Variants in NSD2 observed in about 807,000 individuals in gnomAD.
NSD2 encodes the protein nuclear receptor binding SET domain protein 2.
NSD2 carries 12 observed loss-of-function variants against 139.0 expected under a neutral mutation model. The observed-to-expected ratio is 0.09, with a 90% CI of 0.06 to 0.14. NSD2 has a LOEUF of 0.14. Ranked by LOEUF, NSD2 falls within the 10% of genes least tolerant of loss-of-function variation. The probability of loss-of-function intolerance (pLI) is 1.00; values close to 1 mark genes in which losing one functional copy is unlikely to be tolerated. For synonymous variants in NSD2, 669 were observed against 648.7 expected, an observed-to-expected ratio of 1.03 and a Z score of -0.48; for missense variants, 1,155 against 1,745.0, an observed-to-expected ratio of 0.66 and a Z score of 6.02.
intron 5 of NSD2, among the ~76,000 whole-genome samples, chr4:1,919,400 T>G (rs1055380104): frequency 3.9e-5 from 6 of 152,174 alleles, no homozygotes; most frequent in African/African-American, 1.4e-4. Flanking sequence ...GCAATGTGAT[T>G]AAGACATTTA....
rs562323675 is a variant in NSD2 at position 1,900,927 on chromosome 4, C to G, written c.273C>G (p.Pro91=). Residue 91 remains proline (P), a synonymous_variant, in exon 2 of 22, where the codon CCC becomes CCG. Coordinates refer to ENST00000508803, the MANE Select transcript of NSD2 (RefSeq NM_001042424.3). ...DLTSRVFNGE[P]GAHDAKLRFE... is the part of the protein sequence containing the mutation. ...CTTCCCGGGTGTTTAATGGAGAACC[C>G]GGCGCACACGATGCCAAACTGCGTT... The G allele has an allele frequency of 5.0e-6, 8 of 1,614,100 alleles. No homozygotes were observed. The South Asian group carries it at 7.7e-5, about 16-fold the overall frequency.
chr4:1,886,996 TGTG>T (rs201485659), intron 1 of NSD2, among the ~76,000 whole-genome samples: 1,805 of 152,272 alleles, frequency 0.012, 40 homozygotes, highest in African/African-American at 0.041. Context: ...TTCCCAATAT[TGTG>T]GTGGTTTGAT....
intron 6 of NSD2, 33 bp downstream of exon 6, chr4:1,930,803 T>C: frequency 1.9e-6 from 3 of 1,599,236 alleles, no homozygotes; most frequent in Non-Finnish European, 2.6e-6. Context: ...GTCCTCTGCT[T>C]GGGTTGATGT....
rs989000966 is a variant in NSD2 at position 1,973,121 on chromosome 4, A to G, written c.3373-1742A>G. On this transcript the variant is annotated intron_variant, in intron 18 of 21. Coordinates refer to ENST00000508803, the MANE Select transcript of NSD2 (RefSeq NM_001042424.3). This position sits in a 1 kb window ranked among gnomAD's most constrained non-coding sequence, Gnocchi z 5.5. ...TGGCCTCCCAAAGTACTGGGATTAT[A>G]GGTGTGAGCCACCGCGCCCGGCCGA... Among the ~76,000 whole-genome samples the G allele has an allele frequency of 6.6e-6, 1 of 152,226 alleles. No homozygotes were observed. The highest frequency in any genetic ancestry group is 1.9e-4 in the East Asian group (1 of 5,206).
chr4:1,943,614 T>A, intron 9 of NSD2: 2 of 1,048,616 alleles, frequency 1.9e-6, no homozygotes, highest in South Asian at 9.2e-5. Flanking sequence ...GGTTCCTCTA[T>A]TGGCTCTGCT....
Position 1,898,023 on chromosome 4 carries a change from C to T in NSD2, c.-29-2603C>T, listed in dbSNP as rs62286998. Among the ~76,000 whole-genome samples, 49 of 151,968 alleles carry T rather than the reference C, an allele frequency of 3.2e-4. No homozygotes were observed. In the South Asian group the frequency reaches 4.0e-3, roughly 12 times the overall value. ...CAAATATTTTTGCCTTTTTTTTTCC[C>T]TCCTCCTTCTGGGTGGAACTCCAGA... is the stretch of plus-strand genomic sequence containing the variant. On this transcript the variant is annotated intron_variant, in intron 1 of 21. Coordinates refer to ENST00000508803, the MANE Select transcript of NSD2 (RefSeq NM_001042424.3).
chr4:1,917,027 A>G lies in NSD2; in HGVS notation c.917A>G (p.Glu306Gly), dbSNP rs1356191814. ...GCCAAGCAGGCACCCACGAAAGCTG[A>G]GAAAATTAAGGTGATAGATGACCCT... ...ESAKQAPTKA[E>G]KIKLLKPISG... The change falls in exon 4 of 22, where the codon GAG becomes GGG. Residue 306 changes from glutamate to glycine, a missense_variant. Physicochemically the swap from Glu to Gly is moderately conservative, Grantham distance 98. Transcript: ENST00000508803. 2 of 1,612,178 alleles carry G rather than the reference A, an allele frequency of 1.2e-6. No homozygotes were observed. Among genetic ancestry groups the G allele is most frequent in the Non-Finnish European group, 1.7e-6 (2 of 1,179,428 alleles).
At chr4:1,872,637 C>CGAGAGAGCGAGAGAGA in intron 1 of NSD2, among the ~76,000 whole-genome samples, 1 of 81,848 alleles carries the variant, frequency 1.2e-5, no homozygotes, top group South Asian at 4.8e-4. Context: ...AGAGAGAGAG[C>CGAGAGAGCGAGAGAGA]GCGCAGACCC....
intron 17 of NSD2, 77 bp from the exon 18 acceptor site, chr4:1,960,958 G>C: frequency 8.8e-7 from 1 of 1,132,878 alleles, no homozygotes; most frequent in Non-Finnish European, 1.3e-6. Context: ...AAGTGATCAT[G>C]ATGGGGAGTC....
At chr4:1,949,619 C>T (rs537707149) in intron 9 of NSD2, among the ~76,000 whole-genome samples, 29 of 152,212 alleles carry the variant, frequency 1.9e-4, no homozygotes, top group South Asian at 6.2e-4. Context: ...AAAATTTAGC[C>T]GGACTTGTTG....
intron 3 of NSD2, among the ~76,000 whole-genome samples, chr4:1,914,585 C>T (rs1379179805): frequency 7.2e-5 from 11 of 151,844 alleles, no homozygotes; most frequent in African/African-American, 2.7e-4. Flanking sequence ...CTTGGCCTCC[C>T]GAAGTGCTGG....
Position 1,974,748 on chromosome 4 carries a change from T to G in NSD2, c.3373-115T>G, listed in dbSNP as rs1726888990. 1 of 1,473,160 alleles carries G rather than the reference T, an allele frequency of 6.8e-7. No homozygotes were observed. Among genetic ancestry groups the G allele is most frequent in the Non-Finnish European group, 9.4e-7 (1 of 1,059,836 alleles). The allele number at this position is 1,473,160 out of a possible 1,614,324, so 91.3% of individuals were successfully genotyped here. ...CTCAGTGGACACAGGACACCACGGT[T>G]TTCAGTACAACAAGGAACACAACTT... On this transcript the variant is annotated intron_variant, in intron 18 of 21. Transcript: ENST00000508803. This position sits in a 1 kb window ranked among gnomAD's most constrained non-coding sequence, Gnocchi z 4.0.
Position 1,900,795 on chromosome 4 carries a change from C to T in NSD2, c.141C>T (p.Phe47=). 6.2e-7 allele frequency: 1 copy of T among 1,614,176 alleles called. No individual in the cohort carries two copies. The highest frequency in any genetic ancestry group is 8.5e-7 in the Non-Finnish European group (1 of 1,180,032). Residue 47 remains phenylalanine (F), a synonymous_variant, in exon 2 of 22, where the codon TTC becomes TTT. Coordinates refer to ENST00000508803, the MANE Select transcript of NSD2 (RefSeq NM_001042424.3). ...SCEVNRECSV[F]LSKAQLSSSL... ...AGGTGAACCGCGAGTGTTCTGTGTT[C>T]CTCAGCAAAGCCCAGCTCTCCAGTA... is the stretch of plus-strand genomic sequence containing the variant.
Position 1,938,468 on chromosome 4 carries a change from C to G in NSD2, c.1692C>G (p.Asp564Glu), listed in dbSNP as rs1323423253. 1 of 1,112,704 alleles carries G rather than the reference C, an allele frequency of 9.0e-7. No individual in the cohort carries two copies. Among genetic ancestry groups the G allele is most frequent in the Non-Finnish European group, 1.2e-6 (1 of 821,100 alleles). 68.9% of individuals were successfully genotyped at this position (1,112,704 alleles called of 1,614,324 possible). A position where few individuals can be genotyped will look rare whatever the true frequency, so the allele number is the denominator to read the frequency against. The change falls in exon 8 of 22, where the codon GAC (aspartate) becomes GAG (glutamate). Residue 564 changes from aspartate (D) to glutamate (E), a missense_variant. Asp to Glu is a conservative substitution (Grantham distance 45). This residue lies in a region of NSD2 where 420 missense variants were observed against 469.0 expected (regional missense o/e 0.90). Transcript: ENST00000508803. ...HSLRKRDTIT[D>E]KTARTSSYKA... ...AATAATAGAGAGACACAATCACTGA[C>G]AAAACGGCCAGAACAAGCTCTTACA... is the stretch of plus-strand genomic sequence containing the variant.
At chr4:1,975,200 A>G (rs1726944600) in intron 19 of NSD2, 94 bp from the exon 20 acceptor site, 1 of 1,415,778 alleles carries the variant, frequency 7.1e-7, no homozygotes, top group Non-Finnish European at 9.9e-7. Flanking sequence ...TACAAAAATA[A>G]TAAGAGTATT....
intron 1 of NSD2, among the ~76,000 whole-genome samples, chr4:1,872,971 C>G (rs1020271077): frequency 1.8e-4 from 27 of 152,210 alleles, no homozygotes; most frequent in Non-Finnish European, 3.5e-4. Flanking sequence ...CAAACAAGTT[C>G]TGTGAGCACA....
intron 1 of NSD2, among the ~76,000 whole-genome samples, chr4:1,884,112 A>G (rs1714904144): frequency 1.3e-5 from 2 of 152,168 alleles, no homozygotes; most frequent in South Asian, 4.1e-4. Flanking sequence ...TTTGTCGGGG[A>G]GGAGATGGGG....
intron 9 of NSD2, chr4:1,944,299 GAACTT>G: frequency 2.8e-6 from 3 of 1,066,278 alleles, no homozygotes; most frequent in Non-Finnish European, 3.4e-6. Context: ...TTGTTTGAAA[GAACTT>G]AGGGAGGACC....
rs767701479 is a variant in NSD2 at position 1,918,505 on chromosome 4, C to T, written c.1292C>T (p.Pro431Leu). 6.2e-7 allele frequency: 1 copy of T among 1,613,936 alleles called. No individual in the cohort carries two copies. The highest frequency in any genetic ancestry group is 1.7e-5 in the Admixed American group (1 of 60,004). The change falls in exon 5 of 22, where the codon CCC becomes CTC. Residue 431 changes from proline (P) to leucine (L), a missense_variant. This residue lies in a region of NSD2 where 420 missense variants were observed against 469.0 expected (regional missense o/e 0.90). Coordinates refer to ENST00000508803, the MANE Select transcript of NSD2 (RefSeq NM_001042424.3). ...STPQKTAEAD[P>L]RRGVGSPPGR... is the part of the protein sequence containing the mutation. ...CCTCAAAAGACGGCAGAGGCTGACC[C>T]CAGAAGAGGAGTAGGGTCTCCTCCT...
Sources: gnomAD v4.1 joint callset for allele counts (sites outside exome capture counted in the v4.1 genomes callset) on GRCh38, gnomAD v4.1.1 for gene constraint, gnomAD v4.1.1 regional missense constraint, Gnocchi (gnomAD v3.1) non-coding constraint, MANE v1.5 for transcripts, NCBI Gene and HGNC (gene_info 2026-07-23, HGNC 2026-07-21) for gene names.